AGO2: variants seen among roughly 807,000 people sequenced by gnomAD.
AGO2 encodes the protein argonaute RISC catalytic component 2.
AGO2 carries 5 observed loss-of-function variants against 102.3 expected under a neutral mutation model. That is an observed-to-expected ratio of 0.05 (90% CI 0.03 to 0.10). AGO2 has a LOEUF of 0.10. Among genes scored for constraint, AGO2 ranks in the 10% least tolerant of loss-of-function variants. The pLI is 1.00. For missense variants in AGO2, 541 were observed against 1,183.7 expected (o/e 0.46, Z 7.97); for synonymous variants, 449 against 473.1 (o/e 0.95, Z 0.66).
chr8:140,565,590 G>A (rs917753575), intron 3 of AGO2, among the ~76,000 whole-genome samples: 5 of 151,026 alleles, frequency 3.3e-5, no homozygotes, highest in East Asian at 1.9e-4. Context: ...GCAGTGAGCC[G>A]AGACAGCACC....
chr8:140,536,274 C>T lies in AGO2; in HGVS notation c.2170-705G>A, dbSNP rs188177847. 1.3e-3 allele frequency among the ~76,000 whole-genome samples: 191 copies of T among 152,124 alleles called. 3 individuals carry two copies. The highest frequency in any genetic ancestry group is 0.012 in the Admixed American group (178 of 15,288). On this transcript the variant is annotated intron_variant, in intron 16 of 18. Coordinates refer to ENST00000220592, the MANE Select transcript of AGO2 (RefSeq NM_012154.5). ...CTGATGAATGTTTTCTAGTTGTACA[C>T]ATTTTAAATATACATACAAAAAAGA...
intron 1 of AGO2, among the ~76,000 whole-genome samples, chr8:140,621,631 G>C (rs1347524122): frequency 6.6e-6 from 1 of 152,126 alleles, no homozygotes; most frequent in Non-Finnish European, 1.5e-5. Context: ...CAGGTTCCAA[G>C]TATGCTGTAC....
intron 1 of AGO2, among the ~76,000 whole-genome samples, chr8:140,622,119 A>C (rs1319812007): frequency 6.6e-6 from 1 of 152,222 alleles, no homozygotes; most frequent in Non-Finnish European, 1.5e-5. Flanking sequence ...ATGCCGAGTG[A>C]AAGAAGGAGA....
chr8:140,566,222 T>G (rs1253129419), intron 3 of AGO2, among the ~76,000 whole-genome samples: 1 of 152,176 alleles, frequency 6.6e-6, no homozygotes, highest in Non-Finnish European at 1.5e-5. Context: ...CTTGTGACAG[T>G]GATCCAATTG....
intron 3 of AGO2, among the ~76,000 whole-genome samples, chr8:140,564,715 G>C (rs1007882001): frequency 1.3e-5 from 2 of 152,192 alleles, no homozygotes; most frequent in African/African-American, 4.8e-5. Flanking sequence ...GGCTGAGGCA[G>C]ATGGATCACC....
At chr8:140,593,714 G>A (rs1281030142) in intron 1 of AGO2, among the ~76,000 whole-genome samples, 1 of 151,808 alleles carries the variant, frequency 6.6e-6, no homozygotes, top group Non-Finnish European at 1.5e-5. Context: ...CAGGTACAAT[G>A]CAGACCCCTT....
intron 3 of AGO2, among the ~76,000 whole-genome samples, chr8:140,569,382 T>C (rs1169749649): frequency 6.6e-6 from 1 of 152,234 alleles, no homozygotes; most frequent in Non-Finnish European, 1.5e-5. Flanking sequence ...AATTTGATCA[T>C]TCAGTGAGAT....
At chr8:140,584,678 G>A (rs188004826) in intron 2 of AGO2, among the ~76,000 whole-genome samples, 2 of 152,276 alleles carry the variant, frequency 1.3e-5, no homozygotes. Context: ...CGGCGCAGGT[G>A]GGTCTCATAA....
chr8:140,538,032 C>G (rs1246839112), intron 16 of AGO2, among the ~76,000 whole-genome samples: 3 of 152,102 alleles, frequency 2.0e-5, no homozygotes, highest in African/African-American at 7.2e-5. Context: ...GTTGGCCAGG[C>G]TGGTCTCGGT....
In AGO2 at chr8:140,533,132, G is replaced by T. The variant is rs191380291; in HGVS notation, c.2272-517C>A. ...AGGCTGGGCCCGGTGGCTCACACCTGTAATCCCAGCACTTTGGGAGGCCGA... is the reference window on the plus strand; with the variant it reads ...AGGCTGGGCCCGGTGGCTCACACCTTTAATCCCAGCACTTTGGGAGGCCGA... On this transcript the variant is annotated intron_variant, in intron 17 of 18. Transcript: ENST00000220592. 1.3e-4 allele frequency among the ~76,000 whole-genome samples: 20 copies of T among 152,130 alleles called. No homozygotes were observed. The East Asian group carries it at 3.3e-3, about 25-fold the overall frequency.
intron 2 of AGO2, among the ~76,000 whole-genome samples, chr8:140,581,502 G>A (rs1293331685): frequency 1.3e-5 from 2 of 151,984 alleles, no homozygotes; most frequent in Admixed American, 6.6e-5. Flanking sequence ...CTGGGCAACA[G>A]AGCAAGATCC....
In AGO2 at chr8:140,544,245, CG is replaced by C. The variant is rs748399150; in HGVS notation, c.1806del (p.Ala603ProfsTer92). 15 of 1,595,116 alleles carry C rather than the reference CG, an allele frequency of 9.4e-6. No individual in the cohort carries two copies. Among genetic ancestry groups the C allele is most frequent in the East Asian group, 4.7e-5 (2 of 42,966 alleles). On this transcript the variant is annotated frameshift_variant, in exon 14 of 19. Coordinates refer to ENST00000220592, the MANE Select transcript of AGO2 (RefSeq NM_012154.5). LOFTEE classifies it high-confidence loss of function. ...ATGGAGGGCTTCTTCCCATCCCCGGCGGGGGGGTGAGTGACGTCTGCTCCCA... is the reference window on the plus strand; with the variant it reads ...ATGGAGGGCTTCTTCCCATCCCCGGCGGGGGGTGAGTGACGTCTGCTCCCA... ...IFLGADVTHP[P>X]AGDGKKPSIA...
At position 140,552,728 on chromosome 8, in the gene AGO2, A is replaced by ACGCGCGCG. The variant is rs71504805; in HGVS notation, c.1270-1300_1270-1293dup. Among the ~76,000 whole-genome samples, 87 of 124,118 alleles carry ACGCGCGCG rather than the reference A, an allele frequency of 7.0e-4. No homozygotes were observed. In the Middle Eastern group the frequency reaches 0.012, roughly 18 times the overall value. The allele number at this position is 124,118 out of a possible 152,430, so 81.4% of individuals were successfully genotyped here. On this transcript the variant is annotated intron_variant, in intron 10 of 18. Transcript: ENST00000220592. ...CATGCACATGAACACACGCACATGCACGCGCGCGCGCGCACACACACACAC... is the reference window on the plus strand; with the variant it reads ...CATGCACATGAACACACGCACATGCACGCGCGCGCGCGCGCGCGCGCACACACACACAC...
rs761366971 is a variant in AGO2, at chr8:140,549,106, A to G, written c.1588+8T>C. ...CTCCCCACAGCCAGCGGGAGCGCCCACACCTACCGTACACGGGCGTCTTGC... is the reference window on the plus strand; with the variant it reads ...CTCCCCACAGCCAGCGGGAGCGCCCGCACCTACCGTACACGGGCGTCTTGC... On this transcript the variant is annotated splice_region_variant and intron_variant, in intron 12 of 18. Coordinates refer to ENST00000220592, the MANE Select transcript of AGO2 (RefSeq NM_012154.5). The G allele has an allele frequency of 8.8e-6, 14 of 1,593,516 alleles. No homozygotes were observed. The East Asian group carries it at 2.9e-4, about 33-fold the overall frequency.
Position 140,551,330 on chromosome 8 carries a change from T to C in AGO2, c.1376A>G (p.Gln459Arg). ...CAGATGGACTTCCGTGCACTGGCGCTGGGGGGCGAAGCACGCAATGGCCCA... is the reference window on the plus strand; with the variant it reads ...CAGATGGACTTCCGTGCACTGGCGCCGGGGGGCGAAGCACGCAATGGCCCA... ...KVWAIACFAP[Q>R]RQCTEVHLKS... Residue 459 changes from glutamine to arginine, a missense_variant, in exon 11 of 19, where the codon CAG (glutamine) becomes CGG (arginine). Gln to Arg is a conservative substitution (Grantham distance 43, BLOSUM62 1). Around this residue, in one of 6 missense-constraint regions of AGO2, gnomAD observed 309 missense variants for 735.1 expected, o/e 0.42. Transcript: ENST00000220592. 1 of 1,577,438 alleles carries C rather than the reference T, an allele frequency of 6.3e-7. No homozygotes were observed. The highest frequency in any genetic ancestry group is 1.1e-5 in the South Asian group (1 of 87,774).
chr8:140,552,300 C>T lies in AGO2; in HGVS notation c.1270-864G>A, dbSNP rs572491047. The stretch of plus-strand genomic sequence containing the variant: ...AAGAGAAAGGCGGGCTGTGCAAATG[C>T]GCTGTCAGCTCTCAGCCAGCTCTCA... On this transcript the variant is annotated intron_variant, in intron 10 of 18. Transcript: ENST00000220592. 7.9e-5 allele frequency among the ~76,000 whole-genome samples: 12 copies of T among 152,340 alleles called. 1 individual carries two copies. Among genetic ancestry groups the T allele is most frequent in the African/African-American group, 2.9e-4 (12 of 41,590 alleles).
At chr8:140,598,461 C>A (rs770970160) in intron 1 of AGO2, among the ~76,000 whole-genome samples, 3 of 152,262 alleles carry the variant, frequency 2.0e-5, no homozygotes, top group Non-Finnish European at 4.4e-5. Flanking sequence ...TAGCTCTTCT[C>A]CAACCTGTGC....
At chr8:140,536,408 C>A (rs2072698232) in intron 16 of AGO2, among the ~76,000 whole-genome samples, 1 of 151,548 alleles carries the variant, frequency 6.6e-6, no homozygotes, top group Non-Finnish European at 1.5e-5. Flanking sequence ...CTCACTGCAA[C>A]CTCTGCCTCC....
chr8:140,629,866 G>C (rs150276749), intron 1 of AGO2, among the ~76,000 whole-genome samples: 2 of 146,362 alleles, frequency 1.4e-5, no homozygotes, highest in African/African-American at 5.1e-5. Flanking sequence ...GAGAGGGGAG[G>C]GGAGGGGAGC....
Sources: gnomAD v4.1 joint callset for allele counts (sites outside exome capture counted in the v4.1 genomes callset) on GRCh38, gnomAD v4.1.1 for gene constraint, gnomAD v4.1.1 regional missense constraint, MANE v1.5 for transcripts, NCBI Gene and HGNC (gene_info 2026-07-23, HGNC 2026-07-21) for gene names.